The following ELK3 variants were observed in gnomAD, a reference collection of about 807,000 sequenced individuals.
The protein encoded by ELK3 is ETS domain-containing protein Elk-3.
In ELK3, 10 loss-of-function variants were observed where a neutral mutation model predicts 28.9. That is an observed-to-expected ratio of 0.35 (90% CI 0.21 to 0.59). The LOEUF (loss-of-function observed/expected upper bound fraction) is 0.59, where lower values mean the gene tolerates loss of function less well. Ranked by LOEUF, ELK3 falls within the 20% of genes least tolerant of loss-of-function variation. ELK3 has a pLI of 0.82. For synonymous variants in ELK3, 272 were observed against 243.5 expected (o/e 1.12, Z -1.09); for missense variants, 463 against 517.3 (o/e 0.90, Z 1.02).
At chr12:96,234,913 C>G (rs950137154) in intron 2 of ELK3, among the ~76,000 whole-genome samples, 2 of 152,234 alleles carry the variant, frequency 1.3e-5, no homozygotes, top group Non-Finnish European at 2.9e-5. Flanking sequence ...ATGCCCAGTA[C>G]TGCTGATGAT....
intron 1 of ELK3, among the ~76,000 whole-genome samples, chr12:96,208,822 A>G (rs1403052507): frequency 6.6e-6 from 1 of 152,236 alleles, no homozygotes; most frequent in Non-Finnish European, 1.5e-5. Flanking sequence ...CCAGGGAGGT[A>G]GAATGGCTGT....
At chr12:96,222,808 C>G (rs540454593) in intron 1 of ELK3, 1 of 152,518 alleles carries the variant, frequency 6.6e-6, no homozygotes, top group East Asian at 1.9e-4. Flanking sequence ...TAAAGAAAAG[C>G]GGTTTAATGG....
At position 96,251,631 on chromosome 12, in the gene ELK3, A is replaced by G. The variant is rs555071027; in HGVS notation, c.1002+3897A>G. ...CGTCAGTGAAAACATGAATGATAAG[A>G]AAGTGGGACATCCTGATTGTTGATA... is the stretch of plus-strand genomic sequence containing the variant. On this transcript the variant is annotated intron_variant, in intron 3 of 4. Transcript: ENST00000228741. Among the ~76,000 whole-genome samples the G allele has an allele frequency of 2.0e-5, 3 of 152,332 alleles. No individual in the cohort carries two copies. The East Asian group carries it at 5.8e-4, about 29-fold the overall frequency.
At chr12:96,203,314 C>T (rs1385908238) in intron 1 of ELK3, among the ~76,000 whole-genome samples, 3 of 152,220 alleles carry the variant, frequency 2.0e-5, no homozygotes, top group Non-Finnish European at 4.4e-5. Flanking sequence ...TCTGAAGTTA[C>T]TGTCCGTAAC....
At chr12:96,210,244 C>T (rs933414102) in intron 1 of ELK3, among the ~76,000 whole-genome samples, 3 of 152,144 alleles carry the variant, frequency 2.0e-5, no homozygotes, top group African/African-American at 7.2e-5. Context: ...GCGGAACAGC[C>T]TGTTTTTTTC....
chr12:96,228,416 C>CAAAAAAAAAAAAAAAA (rs71091236), intron 2 of ELK3, among the ~76,000 whole-genome samples: 20 of 68,330 alleles, frequency 2.9e-4, no homozygotes, highest in East Asian at 2.2e-3. Flanking sequence ...GACTCTGTGT[C>CAAAAAAAAAAAAAAAA]AAAAAAAAAA....
At position 96,267,303 on chromosome 12, in the gene ELK3, T is replaced by C; in HGVS notation, c.*123T>C. ...TTGTTAATTTGGTTTGCACTTTTCA[T>C]AACATGGATAGTCTAGATTTATGTT... On this transcript the variant is annotated 3_prime_UTR_variant, in exon 5 of 5. Transcript: ENST00000228741. 1 of 726,182 alleles carries C rather than the reference T, an allele frequency of 1.4e-6. No individual in the cohort carries two copies. Among genetic ancestry groups the C allele is most frequent in the Non-Finnish European group, 2.2e-6 (1 of 450,702 alleles). The allele number at this position is 726,182 out of a possible 1,614,324, so 45.0% of individuals were successfully genotyped here.
At chr12:96,262,900 A>C (rs1952004603) in intron 4 of ELK3, among the ~76,000 whole-genome samples, 1 of 151,606 alleles carries the variant, frequency 6.6e-6, no homozygotes, top group South Asian at 2.1e-4. Context: ...GTAGTCCTCC[A>C]CTTCAGCCTC....
intron 4 of ELK3, among the ~76,000 whole-genome samples, chr12:96,266,582 C>T (rs548637560): frequency 1.3e-5 from 2 of 152,262 alleles, no homozygotes; most frequent in East Asian, 3.9e-4. Flanking sequence ...TCTTTAAATA[C>T]ATTTCTTACT....
intron 3 of ELK3, among the ~76,000 whole-genome samples, chr12:96,257,691 C>T (rs1408911420): frequency 6.6e-6 from 1 of 152,214 alleles, no homozygotes; most frequent in Non-Finnish European, 1.5e-5. Context: ...AGGTTGGAAC[C>T]TTGCTCCAGA....
At chr12:96,245,415 T>C (rs1357460372) in intron 2 of ELK3, among the ~76,000 whole-genome samples, 1 of 152,184 alleles carries the variant, frequency 6.6e-6, no homozygotes. Context: ...TCTCCATCCC[T>C]GGGATCTTGT....
intron 1 of ELK3, among the ~76,000 whole-genome samples, chr12:96,214,737 T>A (rs1474169094): frequency 1.3e-5 from 2 of 152,212 alleles, no homozygotes; most frequent in Non-Finnish European, 2.9e-5. Flanking sequence ...GTATAAGTTT[T>A]TTTTTCAAAT....
chr12:96,230,300 C>T (rs1229977112), intron 2 of ELK3, among the ~76,000 whole-genome samples: 2 of 152,176 alleles, frequency 1.3e-5, no homozygotes, highest in Non-Finnish European at 1.5e-5. Flanking sequence ...CGCACAACAA[C>T]GAAATTCCCC....
At chr12:96,223,373 C>A (rs1040635668) in intron 1 of ELK3, among the ~76,000 whole-genome samples, 192 bp from the exon 2 acceptor site, 1 of 152,176 alleles carries the variant, frequency 6.6e-6, no homozygotes, top group Non-Finnish European at 1.5e-5. Flanking sequence ...ATTGTGGCTC[C>A]TTACAGAAAT....
At chr12:96,235,498 C>A (rs1394764562) in intron 2 of ELK3, among the ~76,000 whole-genome samples, 2 of 152,306 alleles carry the variant, frequency 1.3e-5, no homozygotes, top group East Asian at 3.9e-4. Context: ...AAACAAGCAT[C>A]CTTCTCCATG....
chr12:96,235,373 C>T (rs1460310750), intron 2 of ELK3, among the ~76,000 whole-genome samples: 1 of 152,080 alleles, frequency 6.6e-6, no homozygotes, highest in Non-Finnish European at 1.5e-5. Flanking sequence ...TTGGTTTCTC[C>T]TGCTGTCATT....
In ELK3 at chr12:96,267,195, A is replaced by G. The variant is rs1378861141; in HGVS notation, c.*15A>G. On this transcript the variant is annotated 3_prime_UTR_variant, in exon 5 of 5. Coordinates refer to ENST00000228741, the MANE Select transcript of ELK3 (RefSeq NM_005230.4). The stretch of plus-strand genomic sequence containing the variant: ...AGAAATCCTGATGACGTCTGGCCAC[A>G]ATTAAGGACTCATTAACTGATGAAA... 4.4e-6 allele frequency: 7 copies of G among 1,606,742 alleles called. No individual in the cohort carries two copies. The highest frequency in any genetic ancestry group is 6.0e-6 in the Non-Finnish European group (7 of 1,176,326).
In ELK3 at chr12:96,269,384, T is replaced by C. The variant is rs939534740; in HGVS notation, c.*2204T>C. On this transcript the variant is annotated 3_prime_UTR_variant, in exon 5 of 5. Coordinates refer to ENST00000228741, the MANE Select transcript of ELK3 (RefSeq NM_005230.4). ...TTTACGTAAATGCTGATTGGAAATA[T>C]TTAAATGACTATAGATCTGATTCTT... 1 of 152,246 alleles carries C rather than the reference T, an allele frequency of 6.6e-6. No individual in the cohort carries two copies. The highest frequency in any genetic ancestry group is 1.5e-5 in the Non-Finnish European group (1 of 68,038). 9.4% of individuals were successfully genotyped at this position (152,246 alleles called of 1,614,324 possible). A position where few individuals can be genotyped will look rare whatever the true frequency, so the allele number is the denominator to read the frequency against.
At position 96,269,299 on chromosome 12, in the gene ELK3, A is replaced by C. The variant is rs1952067135; in HGVS notation, c.*2119A>C. ...CACATCCAAAATGCATGATTCTTAC[A>C]AACTAAAGGAAGTTAATGTGCAAAA... On this transcript the variant is annotated 3_prime_UTR_variant, in exon 5 of 5. Transcript: ENST00000228741. 1 of 152,240 alleles carries C rather than the reference A, an allele frequency of 6.6e-6. No individual in the cohort carries two copies. Among genetic ancestry groups the C allele is most frequent in the African/African-American group, 2.4e-5 (1 of 41,464 alleles). The allele number at this position is 152,240 out of a possible 1,614,324, so 9.4% of individuals were successfully genotyped here. A position where few individuals can be genotyped will look rare whatever the true frequency, so the allele number is the denominator to read the frequency against.
Sources: allele counts gnomAD v4.1 joint callset (sites outside exome capture counted in the v4.1 genomes callset), GRCh38; gene constraint gnomAD v4.1.1; transcripts MANE v1.5; gene names NCBI Gene and HGNC (gene_info 2026-07-23, HGNC 2026-07-21).